The following MGAM variants were observed in gnomAD, a reference collection of about 807,000 sequenced individuals.
MGAM encodes the protein maltase-glucoamylase.
MGAM carries 253 observed loss-of-function variants against 358.8 expected under a neutral mutation model. The ratio of observed to expected loss-of-function variants is 0.71; its 90% confidence interval spans 0.64 to 0.78. MGAM has a LOEUF of 0.78. Among genes scored for constraint, MGAM ranks in the 30% least tolerant of loss-of-function variants. The probability of loss-of-function intolerance (pLI) is 0.00; values close to 1 mark genes in which losing one functional copy is unlikely to be tolerated. For synonymous variants in MGAM, 1,105 were observed against 1,227.1 expected (o/e 0.90, Z 2.08); for missense variants, 3,080 against 3,432.6 (o/e 0.90, Z 2.57).
In MGAM at chr7:142,064,328, G is replaced by A. The variant is rs566882701; in HGVS notation, c.4346-56G>A. Reference sequence around the variant, plus strand: ...CCAGGGCCCAGTCCCTTGAAGAGAAGTCAGGGAGAAACAGAATCAGGGCTG... The same window carrying A: ...CCAGGGCCCAGTCCCTTGAAGAGAAATCAGGGAGAAACAGAATCAGGGCTG... On this transcript the variant is annotated intron_variant, in intron 36 of 70. Transcript: ENST00000475668. 213 of 1,568,614 alleles carry A rather than the reference G, an allele frequency of 1.4e-4. 2 individuals carry two copies. In the African/African-American group the frequency reaches 2.6e-3, roughly 19 times the overall value.
At chr7:142,024,098 G>A (rs553319412) in intron 7 of MGAM, among the ~76,000 whole-genome samples, 2 of 151,920 alleles carry the variant, frequency 1.3e-5, no homozygotes, top group African/African-American at 4.8e-5. Context: ...TGGTGGTGGC[G>A]GGTGCCTGTA....
chr7:142,053,089 C>A, intron 26 of MGAM, 105 bp downstream of exon 26: 1 of 1,214,032 alleles, frequency 8.2e-7, no homozygotes. Context: ...CATGCTACAA[C>A]AGACTATATC....
At chr7:142,014,960 G>T (rs1158244091) in intron 3 of MGAM, among the ~76,000 whole-genome samples, 1 of 151,864 alleles carries the variant, frequency 6.6e-6, no homozygotes, top group Non-Finnish European at 1.5e-5. Flanking sequence ...TTGCATCTGT[G>T]TGATTTTAGA....
chr7:142,099,830 C>T, intron 67 of MGAM, 93 bp downstream of exon 67: 1 of 1,516,154 alleles, frequency 6.6e-7, no homozygotes, highest in South Asian at 1.2e-5. Flanking sequence ...CTCTCAAACC[C>T]ACATGCAATT....
chr7:142,082,136 A>T lies in MGAM; in HGVS notation c.6097A>T (p.Thr2033Ser). The T allele has an allele frequency of 6.4e-7, 1 of 1,555,016 alleles. No individual in the cohort carries two copies. The highest frequency in any genetic ancestry group is 8.8e-7 in the Non-Finnish European group (1 of 1,132,104). Residue 2033 changes from threonine (T) to serine (S), a missense_variant, in exon 51 of 71, where the codon ACT (threonine) becomes TCT (serine). Transcript: ENST00000475668. ...PSKYLYGFGE[T>S]EHTSYRRDLE... ...CAAGTACCTCTATGGCTTTGGGGAG[A>T]CTGAGCACACGTCCTACAGGAGAGA...
intron 2 of MGAM, among the ~76,000 whole-genome samples, chr7:141,989,131 G>A (rs1584875659): frequency 6.7e-6 from 1 of 148,176 alleles, no homozygotes; most frequent in African/African-American, 2.5e-5. Context: ...AGAGAAAGAG[G>A]GAGAGAGAGA....
At position 142,036,265 on chromosome 7, in the gene MGAM, C is replaced by G. The variant is rs782411551; in HGVS notation, c.2056C>G (p.His686Asp). ...LGAFYPFSRNHNGQGYKDQDP... is the reference protein window; with the variant it reads ...LGAFYPFSRNDNGQGYKDQDP... ...TGCATTTTATCCGTTTTCTAGAAAT[C>G]ACAATGGCCAAGGCTACAAGGTAAG... is the stretch of plus-strand genomic sequence containing the variant. The change falls in exon 17 of 71, where the codon CAC (histidine) becomes GAC (aspartate). Residue 686 changes from histidine to aspartate, a missense_variant. His to Asp is a moderately conservative substitution (Grantham distance 81). Around this residue, in one of 5 missense-constraint regions of MGAM, gnomAD observed 1,816 missense variants for 1,840.5 expected, o/e 0.99. Coordinates refer to ENST00000475668, the MANE Select transcript of MGAM (RefSeq NM_001365693.1). 2 of 1,607,600 alleles carry G rather than the reference C, an allele frequency of 1.2e-6. No homozygotes were observed. The highest frequency in any genetic ancestry group is 2.7e-5 in the African/African-American group (2 of 74,838).
chr7:141,993,980 A>G (rs1804053666), upstream of MGAM, among the ~76,000 whole-genome samples: 1 of 152,110 alleles, frequency 6.6e-6, no homozygotes, highest in Non-Finnish European at 1.5e-5. Flanking sequence ...GGTTCAAGTG[A>G]TTCTCTTGCC....
chr7:142,034,202 G>T lies in MGAM; in HGVS notation c.1670-60G>T, dbSNP rs1554464914. 7.2e-6 allele frequency: 9 copies of T among 1,245,876 alleles called. No homozygotes were observed. The East Asian group carries it at 2.3e-4, about 32-fold the overall frequency. 77.2% of individuals were successfully genotyped at this position (1,245,876 alleles called of 1,614,324 possible). ...GGGGCTGTCATTTCGGATTGTGATA[G>T]TCAAGGAGCAGAAAATGTGCAACTT... is the stretch of plus-strand genomic sequence containing the variant. On this transcript the variant is annotated intron_variant, in intron 14 of 70. Coordinates refer to ENST00000475668, the MANE Select transcript of MGAM (RefSeq NM_001365693.1).
chr7:142,083,292 C>T lies in MGAM; in HGVS notation c.6269-9C>T, dbSNP rs778737512. On this transcript the variant is annotated splice_polypyrimidine_tract_variant and intron_variant, in intron 52 of 70. Transcript: ENST00000475668. The stretch of plus-strand genomic sequence containing the variant: ...TTCCAGCTTGATTAGCATTTTTCTT[C>T]ATTTTCAGATGTGACGTTCCAGCCC... The T allele has an allele frequency of 3.9e-5, 60 of 1,535,028 alleles. 4 individuals are homozygous for T. The African/African-American group carries it at 5.5e-4, about 14-fold the overall frequency.
In MGAM at chr7:142,073,395, T is replaced by C. The variant is rs185638379; in HGVS notation, c.5187-690T>C. ...AGTCCAGTGAGAGACAGAGGAGGAA[T>C]AGGAAGAGCAGGAAACTGAGAGGTT... On this transcript the variant is annotated intron_variant, in intron 44 of 70. Coordinates refer to ENST00000475668, the MANE Select transcript of MGAM (RefSeq NM_001365693.1). Among the ~76,000 whole-genome samples, 16 of 145,694 alleles carry C rather than the reference T, an allele frequency of 1.1e-4. 1 individual carries two copies. Among genetic ancestry groups the C allele is most frequent in the African/African-American group, 3.9e-4 (16 of 41,170 alleles).
chr7:142,066,931 A>G (rs1486648335), intron 41 of MGAM, among the ~76,000 whole-genome samples: 1 of 146,502 alleles, frequency 6.8e-6, no homozygotes, highest in African/African-American at 2.4e-5. Flanking sequence ...AATGACGAAA[A>G]TTGAAATGAT....
intron 59 of MGAM, 42 bp downstream of exon 59, chr7:142,092,650 A>T: frequency 2.7e-6 from 4 of 1,469,898 alleles, no homozygotes; most frequent in Non-Finnish European, 3.7e-6. Context: ...GCCATGATTG[A>T]AAGAAGGATT....
upstream of MGAM, among the ~76,000 whole-genome samples, chr7:141,994,809 TAAG>T (rs1554448119): frequency 6.6e-6 from 1 of 152,206 alleles, no homozygotes; most frequent in African/African-American, 2.4e-5. Flanking sequence ...GCCGCCATGT[TAAG>T]AAGTCCCTGC....
chr7:142,068,553 C>G lies in MGAM; in HGVS notation c.5005-94C>G. The G allele has an allele frequency of 2.0e-6, 2 of 1,014,980 alleles. 1 individual carries two copies. Among genetic ancestry groups the G allele is most frequent in the East Asian group, 5.0e-5 (2 of 39,878 alleles). 62.9% of individuals were successfully genotyped at this position (1,014,980 alleles called of 1,614,324 possible). On this transcript the variant is annotated intron_variant, in intron 42 of 70. Transcript: ENST00000475668. Reference sequence around the variant, plus strand: ...GGACATGAGGCAGCTGGGTCCAAAGCCATCACAATTATTTCACCTCTTTCC... The same window carrying G: ...GGACATGAGGCAGCTGGGTCCAAAGGCATCACAATTATTTCACCTCTTTCC...
intron 1 of MGAM, among the ~76,000 whole-genome samples, chr7:141,999,080 C>T (rs190929806): frequency 1.3e-5 from 2 of 152,098 alleles, no homozygotes; most frequent in Non-Finnish European, 2.9e-5. Flanking sequence ...ACATAAGTCT[C>T]ATGACGGCAG....
intron 41 of MGAM, 72 bp downstream of exon 41, chr7:142,066,793 CACA>C: frequency 6.9e-7 from 1 of 1,454,632 alleles, no homozygotes; most frequent in African/African-American, 1.4e-5. Context: ...AGTTGATATA[CACA>C]ACGCTTCCAA....
At chr7:142,048,483 A>G (rs1810617053) in intron 22 of MGAM, among the ~76,000 whole-genome samples, 5 of 54,610 alleles carry the variant, frequency 9.2e-5, no homozygotes, top group Non-Finnish European at 1.3e-4. Context: ...GGGTGCTTAG[A>G]AGAGATGGTT....
chr7:141,990,665 T>A (rs113405125), intron 2 of MGAM, among the ~76,000 whole-genome samples: 17 of 152,194 alleles, frequency 1.1e-4, no homozygotes, highest in African/African-American at 3.1e-4. Context: ...TCTTTTTTTT[T>A]ATGTTTTTTT....
Sources: allele counts gnomAD v4.1 joint callset (sites outside exome capture counted in the v4.1 genomes callset), GRCh38; gene constraint gnomAD v4.1.1; regional missense constraint gnomAD v4.1.1; transcripts MANE v1.5; gene names NCBI Gene and HGNC (gene_info 2026-07-23, HGNC 2026-07-21).